The following RPS6KA2 variants were observed in gnomAD, a reference collection of about 807,000 sequenced individuals.
RPS6KA2 encodes the protein ribosomal protein S6 kinase alpha-2.
In RPS6KA2, 42 loss-of-function variants were observed where a neutral mutation model predicts 91.8. That is an observed-to-expected ratio of 0.46 (90% CI 0.36 to 0.59). The LOEUF (loss-of-function observed/expected upper bound fraction) is 0.59, where lower values mean the gene tolerates loss of function less well. RPS6KA2 is among the 20% of genes least tolerant of loss of function. The probability of loss-of-function intolerance (pLI) is 0.00; values close to 1 mark genes in which losing one functional copy is unlikely to be tolerated. For missense variants in RPS6KA2, 798 were observed against 978.5 expected, an observed-to-expected ratio of 0.82 and a Z score of 2.46; for synonymous variants, 414 against 393.6, an observed-to-expected ratio of 1.05 and a Z score of -0.61.
At chr6:166,692,538 A>G (rs891611528) in intron 2 of RPS6KA2, among the ~76,000 whole-genome samples, 4 of 152,226 alleles carry the variant, frequency 2.6e-5, no homozygotes, top group Non-Finnish European at 5.9e-5. Flanking sequence ...GGAACAAAGT[A>G]GAATAAAGTA....
At chr6:166,796,986 A>G (rs1328774329) in intron 2 of RPS6KA2, among the ~76,000 whole-genome samples, 1 of 152,212 alleles carries the variant, frequency 6.6e-6, no homozygotes, top group East Asian at 1.9e-4. Flanking sequence ...TCCTCTCTAC[A>G]CTGCGTTTCA....
chr6:166,488,618 T>A (rs1781489735), intron 10 of RPS6KA2, among the ~76,000 whole-genome samples: 1 of 152,232 alleles, frequency 6.6e-6, no homozygotes, highest in Admixed American at 6.5e-5. Flanking sequence ...TTATGGTATT[T>A]TGGCAGCAAC....
At chr6:166,506,707 A>G (rs1403671527) in intron 5 of RPS6KA2, among the ~76,000 whole-genome samples, 1 of 152,058 alleles carries the variant, frequency 6.6e-6, no homozygotes, top group Admixed American at 6.5e-5. Context: ...CCGATTCAGG[A>G]GCAGCTCTGC....
rs530663321 is a variant in RPS6KA2, at chr6:166,647,930, G to C, written c.124-109146C>G. Among the ~76,000 whole-genome samples the C allele has an allele frequency of 9.4e-3, 1,072 of 114,396 alleles. 17 individuals are homozygous for C. The highest frequency in any genetic ancestry group is 0.033 in the African/African-American group (985 of 29,686). 75.0% of individuals were successfully genotyped at this position (114,396 alleles called of 152,430 possible). ...CACACATGCACATGCTCACACACAC[G>C]CACATGCTCATACACACACATGCAC... On this transcript the variant is annotated intron_variant, in intron 2 of 21. Transcript: ENST00000503859.
intron 2 of RPS6KA2, among the ~76,000 whole-genome samples, chr6:166,684,810 G>A (rs1227012583): frequency 6.6e-6 from 1 of 152,184 alleles, no homozygotes; most frequent in African/African-American, 2.4e-5. Context: ...AACTTGATTT[G>A]TTTTCTAAGA....
At chr6:166,455,597 T>A (rs1415035032) in intron 12 of RPS6KA2, among the ~76,000 whole-genome samples, 2 of 152,210 alleles carry the variant, frequency 1.3e-5, no homozygotes, top group South Asian at 2.1e-4. Context: ...TAGCGAAGCG[T>A]CGTTAAAAAA....
chr6:166,733,644 A>C lies in RPS6KA2; in HGVS notation c.123+124556T>G, dbSNP rs934008472. On this transcript the variant is annotated intron_variant, in intron 2 of 21. Transcript: ENST00000503859. This position sits in a 1 kb window ranked among gnomAD's most constrained non-coding sequence, Gnocchi z 4.1. ...TTAGGAAAAAGGTTTGGTAACACGG[A>C]GGTCACTAGCATCCCTCGTGGACAG... Among the ~76,000 whole-genome samples, 1 of 152,128 alleles carries C rather than the reference A, an allele frequency of 6.6e-6. No individual in the cohort carries two copies.
intron 2 of RPS6KA2, among the ~76,000 whole-genome samples, chr6:166,829,214 A>C (rs951794820): frequency 6.6e-6 from 1 of 152,212 alleles, no homozygotes; most frequent in African/African-American, 2.4e-5. Flanking sequence ...GGAGAAACTG[A>C]AACCTTTGTG....
chr6:166,457,667 G>C (rs988491865), intron 12 of RPS6KA2, among the ~76,000 whole-genome samples: 2 of 152,192 alleles, frequency 1.3e-5, no homozygotes, highest in African/African-American at 4.8e-5. Flanking sequence ...TGGTACCAAT[G>C]TGGCCTGGGT....
At chr6:166,809,756 T>C (rs1352031207) in intron 2 of RPS6KA2, among the ~76,000 whole-genome samples, 1 of 152,114 alleles carries the variant, frequency 6.6e-6, no homozygotes, top group East Asian at 1.9e-4. Flanking sequence ...GGCACAGCCA[T>C]GGTGGAAGGC....
At chr6:166,785,415 G>A (rs548446856) in intron 2 of RPS6KA2, among the ~76,000 whole-genome samples, 41 of 152,346 alleles carry the variant, frequency 2.7e-4, no homozygotes, top group African/African-American at 9.4e-4. Context: ...GTTTATGGGA[G>A]CTGTTGCTCC....
intron 1 of RPS6KA2, among the ~76,000 whole-genome samples, chr6:166,541,568 G>A (rs1395851536): frequency 6.6e-6 from 1 of 152,190 alleles, no homozygotes; most frequent in Non-Finnish European, 1.5e-5. Context: ...TGGCACCTCA[G>A]AATTCCCATG....
At chr6:166,823,946 C>A (rs1779969476) in intron 2 of RPS6KA2, among the ~76,000 whole-genome samples, 1 of 152,090 alleles carries the variant, frequency 6.6e-6, no homozygotes, top group South Asian at 2.1e-4. Context: ...CTGGCACAAC[C>A]AATTTGGAAA....
chr6:166,496,168 C>T (rs1384871176), intron 8 of RPS6KA2, among the ~76,000 whole-genome samples: 4 of 151,940 alleles, frequency 2.6e-5, no homozygotes, highest in Admixed American at 6.6e-5. Flanking sequence ...CTGGGCAACA[C>T]GATGAAACCC....
intron 2 of RPS6KA2, among the ~76,000 whole-genome samples, chr6:166,855,665 A>G (rs1361174512): frequency 6.6e-6 from 1 of 152,228 alleles, no homozygotes; most frequent in East Asian, 1.9e-4. Context: ...ACAACATCAT[A>G]GAGTATTCAA....
rs557495358 is a variant in RPS6KA2, at chr6:166,568,816, T to C, written c.100-30032A>G. Among the ~76,000 whole-genome samples the C allele has an allele frequency of 1.4e-4, 22 of 152,306 alleles. 1 individual carries two copies. The highest frequency in any genetic ancestry group is 1.9e-4 in the African/African-American group (8 of 41,566). On this transcript the variant is annotated intron_variant, in intron 1 of 20. Transcript: ENST00000265678. ...GCCCAAAGCCATCTCTGAATGTATG[T>C]GGCATAATTACTGAAACTAGAAAAC...
intron 2 of RPS6KA2, among the ~76,000 whole-genome samples, chr6:166,800,822 T>C (rs1018342130): frequency 1.3e-5 from 2 of 152,192 alleles, no homozygotes; most frequent in Admixed American, 1.3e-4. Context: ...AGATACCTGA[T>C]TTCATGGCAG....
chr6:166,794,650 A>G (rs1342164463), intron 2 of RPS6KA2, among the ~76,000 whole-genome samples: 2 of 150,940 alleles, frequency 1.3e-5, no homozygotes, highest in Non-Finnish European at 2.9e-5. Context: ...TGTGGCACAT[A>G]TACACCATGG....
rs548642973 is a variant in RPS6KA2 at position 166,453,043 on chromosome 6, C to CA, written c.1076-1811dup. Among the ~76,000 whole-genome samples the CA allele has an allele frequency of 2.2e-3, 341 of 151,778 alleles. 1 individual carries two copies. Among genetic ancestry groups the CA allele is most frequent in the African/African-American group, 7.9e-3 (327 of 41,390 alleles). The stretch of plus-strand genomic sequence containing the variant: ...TGAAACCCTGTCTCTACTAAAAATA[C>CA]AAAAAAAATTAGCCAGGTGTGGTGG... On this transcript the variant is annotated intron_variant, in intron 12 of 20. Coordinates refer to ENST00000265678, the MANE Select transcript of RPS6KA2 (RefSeq NM_021135.6).
Sources: allele counts gnomAD v4.1 joint callset (sites outside exome capture counted in the v4.1 genomes callset), GRCh38; gene constraint gnomAD v4.1.1; non-coding constraint Gnocchi (gnomAD v3.1); transcripts MANE v1.5; gene names NCBI Gene and HGNC (gene_info 2026-07-23, HGNC 2026-07-21).